CNBD2: variants seen among roughly 807,000 people sequenced by gnomAD.
CNBD2 encodes cyclic nucleotide binding domain containing 2, also known as cyclic nucleotide-binding domain-containing protein 2.
CNBD2 carries 64 observed loss-of-function variants against 63.7 expected under a neutral mutation model. The observed-to-expected ratio is 1.00, with a 90% confidence interval of 0.82 to 1.24. The LOEUF is 1.24. Ranked by LOEUF, CNBD2 falls within the 50% of genes most tolerant of loss-of-function variation. The probability of loss-of-function intolerance (pLI) is 0.00; values close to 1 mark genes in which losing one functional copy is unlikely to be tolerated. For missense variants in CNBD2, 691 were observed against 713.5 expected (o/e 0.97, Z 0.36); for synonymous variants, 229 against 255.4 (o/e 0.90, Z 0.99).
At chr20:36,000,882 G>A (rs945064346) in intron 8 of CNBD2, among the ~76,000 whole-genome samples, 6 of 151,446 alleles carry the variant, frequency 4.0e-5, no homozygotes, top group African/African-American at 1.5e-4. Flanking sequence ...TTCCTAGGCA[G>A]AGGACCCTGC....
intron 10 of CNBD2, among the ~76,000 whole-genome samples, chr20:36,019,661 G>A (rs1262313036): frequency 1.3e-5 from 2 of 152,026 alleles, no homozygotes; most frequent in South Asian, 2.1e-4. Context: ...GGAAGGGAGG[G>A]CAGGGTGGCT....
downstream of CNBD2, among the ~76,000 whole-genome samples, chr20:35,956,812 A>G (rs1188463724): frequency 6.6e-6 from 1 of 152,202 alleles, no homozygotes; most frequent in Admixed American, 6.5e-5. Context: ...CTGAGACTCA[A>G]GAACAAAATG....
At chr20:35,991,953 T>C (rs2056752462) in intron 7 of CNBD2, among the ~76,000 whole-genome samples, 1 of 152,062 alleles carries the variant, frequency 6.6e-6, no homozygotes, top group African/African-American at 2.4e-5. Context: ...CGATCTTGGC[T>C]CACTGCAACC....
chr20:35,981,730 G>A (rs2056601838), intron 4 of CNBD2, among the ~76,000 whole-genome samples: 1 of 152,038 alleles, frequency 6.6e-6, no homozygotes, highest in Admixed American at 6.6e-5. Flanking sequence ...GTGTACCACC[G>A]TGCCTGGCTT....
intron 10 of CNBD2, among the ~76,000 whole-genome samples, chr20:36,021,936 G>A (rs2057214495): frequency 7.7e-6 from 1 of 129,716 alleles, no homozygotes; most frequent in South Asian, 2.5e-4. Context: ...GAGAAACAGA[G>A]GCCTGCAGGA....
intron 2 of CNBD2, among the ~76,000 whole-genome samples, chr20:35,960,478 C>G (rs986910515): frequency 6.6e-6 from 1 of 152,176 alleles, no homozygotes; most frequent in Non-Finnish European, 1.5e-5. Flanking sequence ...TAGCTGGGAC[C>G]ACAGGCGCGT....
intron 10 of CNBD2, among the ~76,000 whole-genome samples, 172 bp from the exon 11 acceptor site, chr20:36,023,430 T>C (rs2057243938): frequency 6.6e-6 from 1 of 152,090 alleles, no homozygotes; most frequent in East Asian, 1.9e-4. Context: ...GAGAATCGTT[T>C]GAACCTGGGA....
At chr20:36,027,045 A>G (rs1277343765) in intron 11 of CNBD2, among the ~76,000 whole-genome samples, 1 of 152,232 alleles carries the variant, frequency 6.6e-6, no homozygotes, top group Non-Finnish European at 1.5e-5. Context: ...ACAGCAAAAA[A>G]AGACAAAACC....
At chr20:36,029,510 T>C (rs1194233911) in intron 11 of CNBD2, among the ~76,000 whole-genome samples, 1 of 152,130 alleles carries the variant, frequency 6.6e-6, no homozygotes, top group Non-Finnish European at 1.5e-5. Flanking sequence ...ACTCCCACCA[T>C]GGCCAGTTTC....
Position 36,008,334 on chromosome 20 carries a change from C to T in CNBD2, c.1008C>T (p.Ile336=), listed in dbSNP as rs1568910372. The change falls in exon 9 of 12, where the codon ATC becomes ATT. Residue 336 remains isoleucine (I), a synonymous_variant. Coordinates refer to ENST00000373973, the MANE Select transcript of CNBD2 (RefSeq NM_001365709.1). ...TGGAAAGATTTAAGGAATTCCAGAT[C>T]AAATCATATCCTCTGCAAGACTTTA... ...SPMERFKEFQ[I]KSYPLQDFSS... is the part of the protein sequence containing the mutation. 1 of 1,613,030 alleles carries T rather than the reference C, an allele frequency of 6.2e-7. No homozygotes were observed. Among genetic ancestry groups the T allele is most frequent in the South Asian group, 1.1e-5 (1 of 90,904 alleles).
chr20:35,991,331 A>G (rs1215513099), intron 7 of CNBD2, among the ~76,000 whole-genome samples: 1 of 152,192 alleles, frequency 6.6e-6, no homozygotes, highest in Non-Finnish European at 1.5e-5. Context: ...ATATGCAGGC[A>G]TATGTTTTTT....
rs1184654765 is a variant in CNBD2 at position 35,984,752 on chromosome 20, TGC to T, written c.691_692del (p.Ala231SerfsTer5). On this transcript the variant is annotated frameshift_variant, in exon 6 of 12. Coordinates refer to ENST00000373973, the MANE Select transcript of CNBD2 (RefSeq NM_001365709.1). LOFTEE classifies it high-confidence loss of function. ...NKLDQEVQKD[A>X]QYRFEFFRKM... ...AGCTGGACCAGGAAGTTCAGAAGGA[TGC>T]TCAGTATCGGTTTGAATTTTTTAGG... is the stretch of plus-strand genomic sequence containing the variant. 5.2e-5 allele frequency: 84 copies of T among 1,614,084 alleles called. No individual in the cohort carries two copies. Among genetic ancestry groups the T allele is most frequent in the Non-Finnish European group, 6.8e-5 (80 of 1,180,032 alleles).
intron 3 of CNBD2, among the ~76,000 whole-genome samples, chr20:35,978,734 C>T (rs1286466294): frequency 6.6e-6 from 1 of 152,202 alleles, no homozygotes; most frequent in African/African-American, 2.4e-5. Context: ...TCAAGTGATC[C>T]TCCTGCCTTG....
In CNBD2 at chr20:36,008,439, A is replaced by G. The variant is rs2057013864; in HGVS notation, c.1113A>G (p.Gly371=). 2 of 1,613,602 alleles carry G rather than the reference A, an allele frequency of 1.2e-6. No individual in the cohort carries two copies. The highest frequency in any genetic ancestry group is 1.7e-6 in the Non-Finnish European group (2 of 1,179,906). ...TSFSRKIRTS[G]DTLPKMLGPK... The stretch of plus-strand genomic sequence containing the variant: ...TCAGCAGGAAGATCAGAACCTCAGG[A>G]GACACTCTCCCCAAGATGCTGGGCC... The change falls in exon 9 of 12, where the codon GGA becomes GGG. Residue 371 remains glycine (G), a synonymous_variant. Transcript: ENST00000373973.
rs10211737 is a variant in CNBD2, at chr20:35,986,653, C to T, written c.717-742C>T. The stretch of plus-strand genomic sequence containing the variant: ...GGTGCCCTGACCTTAACTCAGTGCG[C>T]GCATTGAGGCCTGAGTCACCTTGAG... On this transcript the variant is annotated intron_variant, in intron 6 of 11. Coordinates refer to ENST00000373973, the MANE Select transcript of CNBD2 (RefSeq NM_001365709.1). Among the ~76,000 whole-genome samples the T allele has an allele frequency of 6.4e-3, 967 of 152,218 alleles. 10 individuals are homozygous for T. Among genetic ancestry groups the T allele is most frequent in the African/African-American group, 0.022 (908 of 41,518 alleles).
chr20:36,027,047 G>A (rs1217069244), intron 11 of CNBD2, among the ~76,000 whole-genome samples: 3 of 152,214 alleles, frequency 2.0e-5, no homozygotes, highest in Non-Finnish European at 4.4e-5. Context: ...AGCAAAAAAA[G>A]ACAAAACCCA....
At position 36,011,148 on chromosome 20, in the gene CNBD2, C is replaced by T; in HGVS notation, c.1160C>T (p.Ala387Val). The change falls in exon 10 of 12, where the codon GCT becomes GTT. Residue 387 changes from alanine (A) to valine (V), a missense_variant. By Grantham distance (64) the Ala-to-Val change is moderately conservative (BLOSUM62 0). Coordinates refer to ENST00000373973, the MANE Select transcript of CNBD2 (RefSeq NM_001365709.1). Reference sequence around the variant, plus strand: ...CTGTCACATTTCAGATCCAGGCCTGCTCAGTCGATCAAATGTGCCATGATC... The same window carrying T: ...CTGTCACATTTCAGATCCAGGCCTGTTCAGTCGATCAAATGTGCCATGATC... ...MLGPKIQSRP[A>V]QSIKCAMINI... is the part of the protein sequence containing the mutation. 6.3e-7 allele frequency: 1 copy of T among 1,576,880 alleles called. No homozygotes were observed. Among genetic ancestry groups the T allele is most frequent in the Non-Finnish European group, 8.6e-7 (1 of 1,160,334 alleles).
chr20:36,001,189 T>TC (rs1320808495), intron 8 of CNBD2, among the ~76,000 whole-genome samples: 1 of 151,826 alleles, frequency 6.6e-6, no homozygotes, highest in African/African-American at 2.4e-5. Flanking sequence ...TCCCCACCTT[T>TC]CCCCCCTTTC....
intron 10 of CNBD2, among the ~76,000 whole-genome samples, chr20:36,019,101 A>T (rs991234930): frequency 4.4e-4 from 67 of 152,218 alleles, no homozygotes; most frequent in African/African-American, 1.5e-3. Flanking sequence ...TAGTAAATAC[A>T]TAGAAAGTTA....
Sources: allele counts gnomAD v4.1 joint callset (sites outside exome capture counted in the v4.1 genomes callset), GRCh38; gene constraint gnomAD v4.1.1; transcripts MANE v1.5; gene names NCBI Gene and HGNC (gene_info 2026-07-23, HGNC 2026-07-21).